CPEB1: variants seen among roughly 807,000 people sequenced by gnomAD.
CPEB1 encodes cytoplasmic polyadenylation element binding protein 1.
CPEB1 carries 7 observed loss-of-function variants against 65.8 expected under a neutral mutation model. The ratio of observed to expected loss-of-function variants is 0.11; its 90% confidence interval spans 0.06 to 0.20. The LOEUF is 0.20. Among genes scored for constraint, CPEB1 ranks in the 10% least tolerant of loss-of-function variants. The probability of loss-of-function intolerance (pLI) is 1.00; values close to 1 mark genes in which losing one functional copy is unlikely to be tolerated. For synonymous variants in CPEB1, 262 were observed against 260.0 expected (o/e 1.01, Z -0.08); for missense variants, 551 against 712.2 (o/e 0.77, Z 2.58).
chr15:82,592,992 G>A (rs548110641), intron 3 of CPEB1, among the ~76,000 whole-genome samples: 7 of 152,050 alleles, frequency 4.6e-5, no homozygotes, highest in Admixed American at 2.0e-4. Flanking sequence ...GCGATACTCC[G>A]TCTCAAAAAA....
intron 4 of CPEB1, among the ~76,000 whole-genome samples, chr15:82,564,970 A>G (rs1051682411): frequency 9.2e-5 from 14 of 152,198 alleles, no homozygotes; most frequent in Admixed American, 7.9e-4. Flanking sequence ...AGAAAGGGGC[A>G]ATGCCATCCT....
chr15:82,584,789 T>A (rs897216379), intron 3 of CPEB1, among the ~76,000 whole-genome samples: 5 of 151,098 alleles, frequency 3.3e-5, no homozygotes, highest in African/African-American at 1.2e-4. Context: ...GCAAATAGTG[T>A]GTTCAAAATA....
intron 3 of CPEB1, among the ~76,000 whole-genome samples, chr15:82,595,854 T>C (rs1434587848): frequency 1.3e-5 from 2 of 152,214 alleles, no homozygotes; most frequent in East Asian, 1.9e-4. Flanking sequence ...TGCCTGATGA[T>C]ATCACTAGAA....
intron 3 of CPEB1, among the ~76,000 whole-genome samples, chr15:82,609,181 A>G (rs1417188763): frequency 6.6e-6 from 1 of 152,216 alleles, no homozygotes; most frequent in Non-Finnish European, 1.5e-5. Flanking sequence ...AATGAAAATA[A>G]TACTTGGAAA....
chr15:82,617,029 C>T (rs2044779672), intron 3 of CPEB1, among the ~76,000 whole-genome samples: 2 of 152,136 alleles, frequency 1.3e-5, no homozygotes, highest in Admixed American at 1.3e-4. Flanking sequence ...AGTTCTGCCC[C>T]AAAAGTTTAA....
At chr15:82,644,719 T>C (rs1359702574) in intron 1 of CPEB1, among the ~76,000 whole-genome samples, 3 of 152,204 alleles carry the variant, frequency 2.0e-5, no homozygotes, top group Non-Finnish European at 4.4e-5. Flanking sequence ...GCCATTACCT[T>C]TCTTTCCTCC....
chr15:82,544,739 G>A, intron 12 of CPEB1, 37 bp from the exon 13 acceptor site: 2 of 1,493,528 alleles, frequency 1.3e-6, no homozygotes, highest in South Asian at 2.3e-5. Context: ...TGCCATGCCT[G>A]TGTCAGCACC....
intron 3 of CPEB1, among the ~76,000 whole-genome samples, chr15:82,613,403 T>C (rs1252165369): frequency 6.6e-6 from 1 of 152,208 alleles, no homozygotes; most frequent in Non-Finnish European, 1.5e-5. Flanking sequence ...TTTTGTTTTT[T>C]TGGAGACAGT....
chr15:82,581,910 A>G (rs530727889), intron 3 of CPEB1, among the ~76,000 whole-genome samples: 2 of 152,308 alleles, frequency 1.3e-5, no homozygotes, highest in Admixed American at 1.3e-4. Context: ...ACCCATTCCC[A>G]TGACTACAGA....
At chr15:82,648,573 G>A (rs1478489233), upstream of CPEB1, 2 of 152,322 alleles carry the variant, frequency 1.3e-5, no homozygotes, top group Non-Finnish European at 2.9e-5. Flanking sequence ...CTGACACACT[G>A]AGATAGAAAG....
At chr15:82,565,279 CAA>C (rs2038936715) in intron 4 of CPEB1, among the ~76,000 whole-genome samples, 1 of 152,056 alleles carries the variant, frequency 6.6e-6, no homozygotes, top group South Asian at 2.1e-4. Context: ...AGGAAAGCAG[CAA>C]AGACAATGGA....
intron 3 of CPEB1, among the ~76,000 whole-genome samples, chr15:82,597,140 C>G (rs1001995487): frequency 6.6e-6 from 1 of 152,110 alleles, no homozygotes; most frequent in Non-Finnish European, 1.5e-5. Flanking sequence ...GACTGGGCAA[C>G]ACAGGGAGAC....
chr15:82,568,533 C>A (rs1382118280), intron 4 of CPEB1, among the ~76,000 whole-genome samples: 1 of 152,188 alleles, frequency 6.6e-6, no homozygotes, highest in Non-Finnish European at 1.5e-5. Flanking sequence ...GCAGGCCTTG[C>A]AGGTACAATT....
chr15:82,627,207 T>C lies in CPEB1; in HGVS notation c.257A>G (p.His86Arg). 1 of 1,611,322 alleles carries C rather than the reference T, an allele frequency of 6.2e-7. No individual in the cohort carries two copies. Among genetic ancestry groups the C allele is most frequent in the Non-Finnish European group, 8.5e-7 (1 of 1,178,870 alleles). Residue 86 changes from histidine (H) to arginine (R), a missense_variant, in exon 3 of 13, where the codon CAT becomes CGT. This residue lies in a region of CPEB1 where 223 missense variants were observed against 228.6 expected (regional missense o/e 0.98). Coordinates refer to ENST00000684509, the MANE Select transcript of CPEB1 (RefSeq NM_001365242.1). The part of the protein sequence containing the change: ...VCTTPINRGI[H>R]DHLPDFQDSE... ...ACCTAAATCACCTGGCAAATGATCA[T>C]GAATTCCTCGGTTTATAGGTGTAGT...
At chr15:82,622,121 T>C (rs1267915965) in intron 3 of CPEB1, among the ~76,000 whole-genome samples, 1 of 152,104 alleles carries the variant, frequency 6.6e-6, no homozygotes, top group Non-Finnish European at 1.5e-5. Flanking sequence ...CCTCACAGAT[T>C]CCAAAAGGTC....
At chr15:82,576,367 G>C (rs1376803357) in intron 3 of CPEB1, among the ~76,000 whole-genome samples, 2 of 152,182 alleles carry the variant, frequency 1.3e-5, no homozygotes, top group African/African-American at 2.4e-5. Context: ...ATTTTGATGA[G>C]AGTGAGGATA....
At chr15:82,578,213 T>C (rs1596055626) in intron 3 of CPEB1, among the ~76,000 whole-genome samples, 2 of 152,246 alleles carry the variant, frequency 1.3e-5, no homozygotes, top group African/African-American at 2.4e-5. Context: ...AGTAATTCCA[T>C]GTCTGGTATG....
At chr15:82,640,678 G>A (rs1032068123) in intron 1 of CPEB1, 6 of 152,052 alleles carry the variant, frequency 3.9e-5, no homozygotes, top group African/African-American at 1.4e-4. Flanking sequence ...ACACGCATTC[G>A]GTAGTCCAAT....
At chr15:82,560,477 C>T (rs528847463) in intron 4 of CPEB1, among the ~76,000 whole-genome samples, 2 of 147,918 alleles carry the variant, frequency 1.4e-5, no homozygotes, top group South Asian at 2.2e-4. Context: ...CAACCTCAAT[C>T]TTCCTGGGCT....
Sources: gnomAD v4.1 joint callset for allele counts (sites outside exome capture counted in the v4.1 genomes callset) on GRCh38, gnomAD v4.1.1 for gene constraint, gnomAD v4.1.1 regional missense constraint, MANE v1.5 for transcripts, NCBI Gene and HGNC (gene_info 2026-07-23, HGNC 2026-07-21) for gene names.